The following MSN variants were observed in gnomAD, a reference collection of about 807,000 sequenced individuals.
The protein encoded by MSN is epididymis luminal protein 70.
Under a neutral mutation model 48.0 loss-of-function variants are expected in MSN, and 2 were observed. The ratio of observed to expected loss-of-function variants is 0.04; its 90% CI spans 0.02 to 0.13. MSN has a LOEUF of 0.13. MSN is among the 10% of genes least tolerant of loss of function. The pLI is 1.00. For synonymous variants in MSN, 146 were observed against 166.9 expected (o/e 0.87, Z 0.97); for missense variants, 267 against 470.1 (o/e 0.57, Z 3.99).
Position 65,690,178 on chromosome X carries a change from T to C in MSN, c.12+22325T>C, listed in dbSNP as rs150781560. ...AGCACTCCCACAGGGAATTCTAACATTGGGCAAAGGTTGATTACTGCATCT... is the reference window on the plus strand; with the variant it reads ...AGCACTCCCACAGGGAATTCTAACACTGGGCAAAGGTTGATTACTGCATCT... On this transcript the variant is annotated intron_variant, in intron 1 of 12. Coordinates refer to ENST00000360270, the MANE Select transcript of MSN (RefSeq NM_002444.3). Among the ~76,000 whole-genome samples the C allele has an allele frequency of 5.4e-3, 600 of 112,036 alleles. 2 individuals carry two copies. The highest frequency in any genetic ancestry group is 0.027 in the South Asian group (71 of 2,667).
chrX:65,665,327 G>T (rs2070859072), upstream of MSN, among the ~76,000 whole-genome samples: 1 of 112,100 alleles, frequency 8.9e-6, no homozygotes, highest in Admixed American at 9.5e-5. Context: ...ATTAAGGCGT[G>T]TGATGAGCTG....
chrX:65,739,261 A>T lies in MSN; in HGVS notation c.1569+67A>T. The T allele has an allele frequency of 3.9e-6, 4 of 1,013,564 alleles. No homozygotes were observed. The South Asian group carries it at 8.6e-5, about 22-fold the overall frequency. The allele number at this position is 1,013,564 out of a possible 1,213,427, so 83.5% of individuals were successfully genotyped here. A position where few individuals can be genotyped will look rare whatever the true frequency, so the allele number is the denominator to read the frequency against. On this transcript the variant is annotated intron_variant, in intron 12 of 12. Transcript: ENST00000360270. ...GATTTAGTAGCCCATGGCATTCCCT[A>T]GACCATCATGGGGGATAGGTATAAG...
intron 2 of MSN, among the ~76,000 whole-genome samples, chrX:65,719,744 C>T (rs1362394017): frequency 9.0e-6 from 1 of 111,411 alleles, no homozygotes. Context: ...CTACTAATTC[C>T]CCATCCCAAA....
chrX:65,603,634 G>A (rs2070255502), intron 1 of MSN, among the ~76,000 whole-genome samples: 1 of 112,166 alleles, frequency 8.9e-6, no homozygotes, highest in South Asian at 3.7e-4. Context: ...GCCACTTGAA[G>A]CTAATGGCTA....
At chrX:65,635,490 G>A (rs2070591505) in intron 1 of MSN, among the ~76,000 whole-genome samples, 1 of 111,915 alleles carries the variant, frequency 8.9e-6, no homozygotes. Flanking sequence ...GGGAAAGCTG[G>A]TTTATTCAGT....
intron 1 of MSN, among the ~76,000 whole-genome samples, chrX:65,659,640 C>T (rs2070807619): frequency 9.0e-6 from 1 of 111,401 alleles, no homozygotes; most frequent in Admixed American, 9.6e-5. Context: ...CTCAGATGCC[C>T]CCGGCTTCCT....
rs1054223339 is a variant in MSN, at chrX:65,620,464, C to T, written c.-22+31852C>T. On this transcript the variant is annotated intron_variant, in intron 1 of 3. Transcript: ENST00000609672. ...GCGCAGTATTCGGGTGGGAGTGACC[C>T]GATTTTCCAGGTGCCGTCCGTCACC... Among the ~76,000 whole-genome samples, 15 of 113,895 alleles carry T rather than the reference C, an allele frequency of 1.3e-4. No individual in the cohort carries two copies. The Middle Eastern group carries it at 0.014, about 104-fold the overall frequency.
At chrX:65,621,158 G>A (rs188110919) in intron 1 of MSN, among the ~76,000 whole-genome samples, 55 of 111,066 alleles carry the variant, frequency 5.0e-4, no homozygotes, top group East Asian at 3.4e-3. Flanking sequence ...CTTGTGATCC[G>A]CCCACCTCGG....
At chrX:65,668,058 G>A (rs1229182671) in intron 1 of MSN, among the ~76,000 whole-genome samples, 2 of 112,497 alleles carry the variant, frequency 1.8e-5, no homozygotes, top group Admixed American at 1.9e-4. Context: ...CTGGAAGTTT[G>A]GACGGGGCGA....
In MSN at chrX:65,740,094, G is replaced by A; in HGVS notation, c.*201G>A. 2 of 360,826 alleles carry A rather than the reference G, an allele frequency of 5.5e-6. No homozygotes were observed. The highest frequency in any genetic ancestry group is 9.8e-6 in the Non-Finnish European group (2 of 203,946). The allele number at this position is 360,826 out of a possible 1,213,427, so 29.7% of individuals were successfully genotyped here. A position where few individuals can be genotyped will look rare whatever the true frequency, so the allele number is the denominator to read the frequency against. On this transcript the variant is annotated 3_prime_UTR_variant, in exon 13 of 13. Coordinates refer to ENST00000360270, the MANE Select transcript of MSN (RefSeq NM_002444.3). ...CCTGGGCAAATGAATGGCTCACTAT[G>A]GTGCCAATGGAACCTCCTTTCTCTT...
chrX:65,660,430 AAG>A (rs1473850947), intron 1 of MSN, among the ~76,000 whole-genome samples: 2 of 111,948 alleles, frequency 1.8e-5, no homozygotes, highest in Admixed American at 1.9e-4. Flanking sequence ...ATCATCTGCA[AAG>A]AGAGATAGTT....
intron 1 of MSN, among the ~76,000 whole-genome samples, chrX:65,643,776 A>G (rs1314486778): frequency 9.0e-6 from 1 of 111,421 alleles, no homozygotes; most frequent in East Asian, 2.8e-4. Context: ...CTGGGAAGGT[A>G]TGGTATTACT....
At chrX:65,637,012 A>C (rs1602741206) in intron 1 of MSN, among the ~76,000 whole-genome samples, 1 of 103,078 alleles carries the variant, frequency 9.7e-6, no homozygotes, top group African/African-American at 3.6e-5. Flanking sequence ...ATGGCGTGAA[A>C]CCAGGAGGCG....
At chrX:65,627,399 A>T (rs2070516505) in intron 1 of MSN, among the ~76,000 whole-genome samples, 2 of 109,834 alleles carry the variant, frequency 1.8e-5, no homozygotes, top group African/African-American at 6.8e-5. Flanking sequence ...GGCTGGGGCA[A>T]CCTCAGAATC....
At chrX:65,684,824 C>T (rs760948233) in intron 1 of MSN, among the ~76,000 whole-genome samples, 129 of 112,793 alleles carry the variant, frequency 1.1e-3, no homozygotes, top group African/African-American at 3.8e-3. Flanking sequence ...CTGTAACCTC[C>T]AACTCTTGGG....
chrX:65,588,652 C>G (rs2070117413), intron 1 of MSN: 1 of 789,850 alleles, frequency 1.3e-6, no homozygotes, highest in Non-Finnish European at 1.5e-6. Context: ...GGAGAGGTTC[C>G]TGGACAGGAA....
chrX:65,727,133 C>T (rs749057976), intron 2 of MSN, among the ~76,000 whole-genome samples: 1 of 112,086 alleles, frequency 8.9e-6, no homozygotes, highest in Admixed American at 9.4e-5. Context: ...CCAGGCACAG[C>T]ATGGCTTCAG....
intron 7 of MSN, among the ~76,000 whole-genome samples, chrX:65,733,823 T>C (rs1466625648): frequency 9.0e-6 from 1 of 111,706 alleles, no homozygotes; most frequent in Admixed American, 9.5e-5. Flanking sequence ...CTGGCTAATT[T>C]TTGTAGTTTT....
intron 1 of MSN, among the ~76,000 whole-genome samples, chrX:65,650,163 C>T (rs1244906953): frequency 2.9e-5 from 3 of 103,521 alleles, no homozygotes; most frequent in African/African-American, 1.1e-4. Flanking sequence ...CCTGGATTCA[C>T]TGCAACCTCC....
Sources: gnomAD v4.1 joint callset for allele counts (sites outside exome capture counted in the v4.1 genomes callset) on GRCh38, gnomAD v4.1.1 for gene constraint, MANE v1.5 for transcripts, NCBI Gene and HGNC (gene_info 2026-07-23, HGNC 2026-07-21) for gene names.